UBE2Q2: variants seen among roughly 807,000 people sequenced by gnomAD.
UBE2Q2 encodes the protein ubiquitin-conjugating enzyme E2 Q2.
In UBE2Q2, 54 loss-of-function variants were observed where a neutral mutation model predicts 59.9. The ratio of observed to expected loss-of-function variants is 0.90; its 90% CI spans 0.72 to 1.13. The LOEUF (loss-of-function observed/expected upper bound fraction) is 1.13, where lower values mean the gene tolerates loss of function less well. Among genes scored for constraint, UBE2Q2 ranks in the 50% most tolerant of loss-of-function variants. The pLI is 0.00. For synonymous variants in UBE2Q2, 165 were observed against 155.2 expected (o/e 1.06, Z -0.47); for missense variants, 433 against 441.9 (o/e 0.98, Z 0.18).
Position 75,870,945 on chromosome 15 carries a change from T to C in UBE2Q2, c.447+1935T>C, listed in dbSNP as rs541159036. On this transcript the variant is annotated intron_variant, in intron 4 of 12. Transcript: ENST00000267938. ...AAGAAAAAGACACAGAGACAAAGTA[T>C]AGAGAAAGAAATAAGGGGACCCAGG... 5.1e-4 allele frequency among the ~76,000 whole-genome samples: 77 copies of C among 152,092 alleles called. 1 individual carries two copies. The highest frequency in any genetic ancestry group is 1.8e-3 in the African/African-American group (75 of 41,482).
At chr15:75,880,108 TTTTG>T (rs138179496) in intron 8 of UBE2Q2, among the ~76,000 whole-genome samples, 6,049 of 152,138 alleles carry the variant, frequency 0.04, 211 homozygotes, top group African/African-American at 0.094. Context: ...TAAGGTTTTT[TTTTG>T]TTTGTTTGTT....
Position 75,897,027 on chromosome 15 carries a change from C to T in UBE2Q2, c.1062C>T (p.Ser354=). 2 of 1,573,596 alleles carry T rather than the reference C, an allele frequency of 1.3e-6. No homozygotes were observed. The highest frequency in any genetic ancestry group is 1.7e-6 in the Non-Finnish European group (2 of 1,157,516). ...NQYNLARAQQ[S]YNSIVQIHEK... is the part of the protein sequence containing the mutation. ...ATAATCTAGCAAGAGCCCAACAATC[C>T]TATAATTCCATTGTACAGATACATG... The change falls in exon 12 of 13, where the codon TCC becomes TCT. Residue 354 remains serine, a synonymous_variant. Coordinates refer to ENST00000267938, the MANE Select transcript of UBE2Q2 (RefSeq NM_173469.4).
Position 75,883,865 on chromosome 15 carries a change from C to G in UBE2Q2, c.884+441C>G, listed in dbSNP as rs966330029. Reference sequence around the variant, plus strand: ...ACACACACACACACACACACACACACGTATATATACGCACATACTTTTTAC... The same window carrying G: ...ACACACACACACACACACACACACAGGTATATATACGCACATACTTTTTAC... On this transcript the variant is annotated intron_variant, in intron 9 of 12. Coordinates refer to ENST00000267938, the MANE Select transcript of UBE2Q2 (RefSeq NM_173469.4). Among the ~76,000 whole-genome samples, 28 of 151,592 alleles carry G rather than the reference C, an allele frequency of 1.8e-4. 2 individuals carry two copies. In the South Asian group the frequency reaches 4.4e-3, roughly 24 times the overall value.
At chr15:75,892,225 G>A (rs1226191881) in intron 11 of UBE2Q2, among the ~76,000 whole-genome samples, 1 of 152,182 alleles carries the variant, frequency 6.6e-6, no homozygotes, top group East Asian at 1.9e-4. Context: ...ATCAGAAGCA[G>A]ACACAGATAC....
intron 3 of UBE2Q2, among the ~76,000 whole-genome samples, chr15:75,863,168 G>A (rs1251559514): frequency 2.6e-5 from 4 of 152,168 alleles, no homozygotes; most frequent in South Asian, 4.1e-4. Context: ...TAGTGTCTGA[G>A]TCTAGAGCCT....
chr15:75,891,004 G>C lies in UBE2Q2; in HGVS notation c.1019G>C (p.Gly340Ala). The change falls in exon 11 of 13, where the codon GGA becomes GCA. Residue 340 changes from glycine (G) to alanine (A), a missense_variant. Coordinates refer to ENST00000267938, the MANE Select transcript of UBE2Q2 (RefSeq NM_173469.4). ...AAAGGCAAAGCCAGAGTGCAGTTTG[G>C]AGCAAATAAGGTACTTCTGTTAAGA... ...LVKGKARVQF[G>A]ANKNQYNLAR... 1 of 1,611,488 alleles carries C rather than the reference G, an allele frequency of 6.2e-7. No homozygotes were observed.
At position 75,900,624 on chromosome 15, in the gene UBE2Q2, T is replaced by C. The variant is rs1488718780; in HGVS notation, c.*1166T>C. The C allele has an allele frequency of 6.6e-6, 1 of 152,654 alleles. No individual in the cohort carries two copies. Among genetic ancestry groups the C allele is most frequent in the African/African-American group, 2.4e-5 (1 of 41,458 alleles). 9.5% of individuals were successfully genotyped at this position (152,654 alleles called of 1,614,324 possible). On this transcript the variant is annotated 3_prime_UTR_variant, in exon 13 of 13. Transcript: ENST00000267938. ...AAACAAGTTACAAAGTTCAAAAGTG[T>C]TTCTTGTGCATTAGCTTTGAGATTC...
chr15:75,854,387 AATC>A lies in UBE2Q2; in HGVS notation c.183_185del (p.Glu61_Ser62delinsAsp). 6.2e-7 allele frequency: 1 copy of A among 1,611,012 alleles called. No homozygotes were observed. The highest frequency in any genetic ancestry group is 8.5e-7 in the Non-Finnish European group (1 of 1,178,422). The stretch of plus-strand genomic sequence containing the variant: ...AACATGTGTCTCTGTGTTAAACAGG[AATC>A]CTATCCATCTTCTTCACCGATATGG... On this transcript the variant is annotated inframe_deletion and splice_region_variant, in exon 2 of 13. Transcript: ENST00000267938.
chr15:75,886,763 T>C (rs1898798924), intron 9 of UBE2Q2, among the ~76,000 whole-genome samples: 1 of 152,046 alleles, frequency 6.6e-6, no homozygotes, highest in Non-Finnish European at 1.5e-5. Flanking sequence ...GGTGGGTGCC[T>C]GTAATCCCAG....
chr15:75,891,439 T>C (rs746726749), intron 11 of UBE2Q2, among the ~76,000 whole-genome samples: 2 of 152,104 alleles, frequency 1.3e-5, no homozygotes, highest in Non-Finnish European at 2.9e-5. Flanking sequence ...CTCTAGTCTT[T>C]TCATTTATTT....
intron 7 of UBE2Q2, chr15:75,878,432 A>C: frequency 6.4e-6 from 1 of 156,262 alleles, no homozygotes; most frequent in Non-Finnish European, 1.4e-5. Flanking sequence ...TCTCTACAAA[A>C]AAAAAAAAAT....
intron 12 of UBE2Q2, among the ~76,000 whole-genome samples, chr15:75,898,133 C>T (rs554146105): frequency 2.0e-4 from 30 of 152,266 alleles, no homozygotes; most frequent in Non-Finnish European, 4.3e-4. Context: ...TCATACTAAA[C>T]AGTACTTAGT....
intron 2 of UBE2Q2, among the ~76,000 whole-genome samples, chr15:75,858,946 CTA>C (rs1186733404): frequency 6.6e-6 from 1 of 152,180 alleles, no homozygotes; most frequent in Non-Finnish European, 1.5e-5. Context: ...CATTCTAATC[CTA>C]TGTCTTCTTT....
chr15:75,874,879 G>A (rs1197871982), intron 5 of UBE2Q2, among the ~76,000 whole-genome samples: 1 of 152,148 alleles, frequency 6.6e-6, no homozygotes, highest in Non-Finnish European at 1.5e-5. Flanking sequence ...CTTGGGCACA[G>A]GTTCCCCAAA....
At chr15:75,873,627 A>ATTG in intron 5 of UBE2Q2, 59 bp downstream of exon 5, 2 of 1,547,528 alleles carry the variant, frequency 1.3e-6, no homozygotes, top group Non-Finnish European at 8.7e-7. Flanking sequence ...TGTAGTTAAT[A>ATTG]CCAGGCAATT....
chr15:75,897,338 A>G (rs1324158684), intron 12 of UBE2Q2, among the ~76,000 whole-genome samples: 1 of 152,008 alleles, frequency 6.6e-6, no homozygotes, highest in East Asian at 1.9e-4. Context: ...TCCCAGGTTC[A>G]TGCCATTCTC....
At chr15:75,879,779 G>T (rs1413191933) in intron 8 of UBE2Q2, among the ~76,000 whole-genome samples, 3 of 151,990 alleles carry the variant, frequency 2.0e-5, no homozygotes, top group African/African-American at 4.8e-5. Context: ...TTCTAAAAAG[G>T]CTTCTTAGGG....
chr15:75,875,144 T>C (rs34701345), intron 5 of UBE2Q2, among the ~76,000 whole-genome samples: 5,726 of 152,334 alleles, frequency 0.038, 187 homozygotes, highest in Non-Finnish European at 0.056. Flanking sequence ...CTGAACACTT[T>C]TGCATGATGG....
At position 75,854,391 on chromosome 15, in the gene UBE2Q2, C is replaced by G. The variant is rs779964598; in HGVS notation, c.186C>G (p.Ser62=). Reference sequence around the variant, plus strand: ...TGTGTCTCTGTGTTAAACAGGAATCCTATCCATCTTCTTCACCGATATGGT... The same window carrying G: ...TGTGTCTCTGTGTTAAACAGGAATCGTATCCATCTTCTTCACCGATATGGT... ...PLTLHCNITE[S]YPSSSPIWFV... is the part of the protein sequence containing the mutation. Residue 62 remains serine (S), a synonymous_variant, in exon 2 of 13, where the codon TCC becomes TCG. Coordinates refer to ENST00000267938, the MANE Select transcript of UBE2Q2 (RefSeq NM_173469.4). 1 of 1,611,206 alleles carries G rather than the reference C, an allele frequency of 6.2e-7. No homozygotes were observed. The highest frequency in any genetic ancestry group is 1.7e-5 in the Admixed American group (1 of 59,666).
Sources: gnomAD v4.1 joint callset for allele counts (sites outside exome capture counted in the v4.1 genomes callset) on GRCh38, gnomAD v4.1.1 for gene constraint, MANE v1.5 for transcripts, NCBI Gene and HGNC (gene_info 2026-07-23, HGNC 2026-07-21) for gene names.